The following FAM240C variants were observed in gnomAD, a reference collection of about 807,000 sequenced individuals.
The protein encoded by FAM240C is protein FAM240C.
Under a neutral mutation model 10.0 loss-of-function variants are expected in FAM240C, and 14 were observed. The observed-to-expected ratio is 1.40, with a 90% CI of 0.92 to 2.19. The LOEUF (loss-of-function observed/expected upper bound fraction) is 2.19, where lower values mean the gene tolerates loss of function less well. Ranked by LOEUF, FAM240C falls within the 30% of genes most tolerant of loss-of-function variation. The pLI is 0.00. For synonymous variants in FAM240C, 49 were observed against 44.3 expected (o/e 1.11, Z -0.42); for missense variants, 154 against 122.3 (o/e 1.26, Z -1.22).
At chr2:241,897,091 C>T (rs1575420549) in intron 2 of FAM240C, 95 bp downstream of exon 2, 2 of 1,373,668 alleles carry the variant, frequency 1.5e-6, no homozygotes, top group South Asian at 1.3e-5. Context: ...AGGGCCAGGG[C>T]TGTGTCAGGG....
chr2:241,895,720 C>A (rs1273768121), intron 2 of FAM240C, among the ~76,000 whole-genome samples: 1 of 152,174 alleles, frequency 6.6e-6, no homozygotes, highest in Non-Finnish European at 1.5e-5. Context: ...TGAGAGAACG[C>A]TGGTGCCTGC....
rs1412502306 is a variant in FAM240C, at chr2:241,897,192, A to C, written c.155T>G (p.Leu52Arg). ...NEDIRVRRSA[L>R]NKLRVGWAEQ... is the part of the protein sequence containing the mutation. ...ACTGCACACCCCGACTCACTTGTTCAGAGCGCTTCTGCGAACCCTGATGTC... is the reference window on the plus strand; with the variant it reads ...ACTGCACACCCCGACTCACTTGTTCCGAGCGCTTCTGCGAACCCTGATGTC... The change falls in exon 2 of 3, where the codon CTG becomes CGG. Residue 52 changes from leucine (L) to arginine (R), a missense_variant. Physicochemically the swap from Leu to Arg is moderately radical, Grantham distance 102 (BLOSUM62 -2). Coordinates refer to ENST00000404031, the MANE Select transcript of FAM240C (RefSeq NM_001382368.1). 6.5e-7 allele frequency: 1 copy of C among 1,549,730 alleles called. No individual in the cohort carries two copies. Among genetic ancestry groups the C allele is most frequent in the Non-Finnish European group, 8.7e-7 (1 of 1,146,426 alleles).
intron 2 of FAM240C, among the ~76,000 whole-genome samples, chr2:241,896,573 G>T (rs187339766): frequency 0.083 from 1,544 of 18,554 alleles, 7 homozygotes; most frequent in East Asian, 0.24. Context: ...GTGTGGGTGT[G>T]GGGGTGTGGG....
chr2:241,894,079 G>T lies in FAM240C; in HGVS notation c.*134C>A, dbSNP rs1261849307. The T allele has an allele frequency of 2.0e-6, 2 of 1,023,886 alleles. No homozygotes were observed. Among genetic ancestry groups the T allele is most frequent in the Non-Finnish European group, 2.8e-6 (2 of 723,364 alleles). The allele number at this position is 1,023,886 out of a possible 1,614,324, so 63.4% of individuals were successfully genotyped here. On this transcript the variant is annotated 3_prime_UTR_variant, in exon 3 of 3. Coordinates refer to ENST00000404031, the MANE Select transcript of FAM240C (RefSeq NM_001382368.1). ...GTGGACCCCGAGGTGGGATTATTAC[G>T]GGGTCAGCGAGGTGCGGGCCATTTC...
chr2:241,899,654 C>T (rs1019474546), intron 1 of FAM240C, among the ~76,000 whole-genome samples: 4 of 152,226 alleles, frequency 2.6e-5, no homozygotes, highest in East Asian at 1.9e-4. Context: ...CAGAGAGCAG[C>T]GTGGGCGTTA....
chr2:241,894,062 C>A lies in FAM240C; in HGVS notation c.*151G>T. 1.2e-6 allele frequency: 1 copy of A among 863,174 alleles called. No individual in the cohort carries two copies. Among genetic ancestry groups the A allele is most frequent in the Non-Finnish European group, 1.7e-6 (1 of 582,868 alleles). The allele number at this position is 863,174 out of a possible 1,614,324, so 53.5% of individuals were successfully genotyped here. On this transcript the variant is annotated 3_prime_UTR_variant, in exon 3 of 3. Transcript: ENST00000404031. ...TGGGACTCTGCTGCAGCGTGGACCC[C>A]GAGGTGGGATTATTACGGGGTCAGC...
In FAM240C at chr2:241,894,008, T is replaced by C. The variant is rs73016199; in HGVS notation, c.*205A>G. ...TTCAATCCAATTGACTTAGGTTTTA[T>C]TGGGCACCAGAGATGCGCTAGAGAA... On this transcript the variant is annotated 3_prime_UTR_variant, in exon 3 of 3. Coordinates refer to ENST00000404031, the MANE Select transcript of FAM240C (RefSeq NM_001382368.1). 8.4e-3 allele frequency: 3,977 copies of C among 473,488 alleles called. 28 individuals are homozygous for C. The highest frequency in any genetic ancestry group is 0.01 in the Non-Finnish European group (2,800 of 271,176). The allele number at this position is 473,488 out of a possible 1,614,324, so 29.3% of individuals were successfully genotyped here.
intron 2 of FAM240C, among the ~76,000 whole-genome samples, chr2:241,896,801 G>T (rs1701832668): frequency 1.5e-5 from 1 of 66,218 alleles, no homozygotes; most frequent in Non-Finnish European, 3.1e-5. Flanking sequence ...GTGGGTGTTG[G>T]GGTGTGGGTG....
chr2:241,900,880 G>A (rs373471813), upstream of FAM240C, among the ~76,000 whole-genome samples: 2 of 152,138 alleles, frequency 1.3e-5, no homozygotes, highest in Non-Finnish European at 2.9e-5. This position sits in a 1 kb window ranked among gnomAD's most constrained non-coding sequence, Gnocchi z 4.5. Context: ...ATGGGTTTAC[G>A]TATTTATTGT....
At position 241,894,054 on chromosome 2, in the gene FAM240C, G is replaced by A. The variant is rs139872805; in HGVS notation, c.*159C>T. On this transcript the variant is annotated 3_prime_UTR_variant, in exon 3 of 3. Coordinates refer to ENST00000404031, the MANE Select transcript of FAM240C (RefSeq NM_001382368.1). Reference sequence around the variant, plus strand: ...GAGAACCCTGGGACTCTGCTGCAGCGTGGACCCCGAGGTGGGATTATTACG... The same window carrying A: ...GAGAACCCTGGGACTCTGCTGCAGCATGGACCCCGAGGTGGGATTATTACG... 606 of 758,922 alleles carry A rather than the reference G, an allele frequency of 8.0e-4. 2 individuals carry two copies. In the African/African-American group the frequency reaches 9.2e-3, roughly 11 times the overall value. The allele number at this position is 758,922 out of a possible 1,614,324, so 47.0% of individuals were successfully genotyped here.
upstream of FAM240C, among the ~76,000 whole-genome samples, chr2:241,901,961 G>A (rs112150030): frequency 0.019 from 2,896 of 152,248 alleles, 100 homozygotes; most frequent in African/African-American, 0.067. The surrounding 1 kb of genome is among the most constrained non-coding windows in gnomAD (Gnocchi z 4.9). Flanking sequence ...ACGTGTGTGC[G>A]GAGGGACGGC....
At position 241,897,259 on chromosome 2, in the gene FAM240C, C is replaced by A. The variant is rs1446817724; in HGVS notation, c.88G>T (p.Glu30Ter). The change falls in exon 2 of 3, where the codon GAG (glutamate) becomes TAG (stop). Residue 30 changes from glutamate (E) to a stop codon, truncating the protein, a stop_gained. Coordinates refer to ENST00000404031, the MANE Select transcript of FAM240C (RefSeq NM_001382368.1). LOFTEE classifies it high-confidence loss of function. ...CTTGCGTGATGCTCGATTTTTTTCTCCCAAAACATCTTTATCCCGCCTGAA... is the reference window on the plus strand; with the variant it reads ...CTTGCGTGATGCTCGATTTTTTTCTACCAAAACATCTTTATCCCGCCTGAA... ...YDSGGIKMFW[E>*]KKIEHHARHL... The A allele has an allele frequency of 2.6e-6, 4 of 1,549,932 alleles. No individual in the cohort carries two copies. The highest frequency in any genetic ancestry group is 2.4e-5 in the South Asian group (2 of 84,068).
chr2:241,900,429 G>C lies in FAM240C; in HGVS notation c.-60C>G. The C allele has an allele frequency of 1.4e-6, 1 of 716,276 alleles. No individual in the cohort carries two copies. The highest frequency in any genetic ancestry group is 2.7e-5 in the East Asian group (1 of 37,260). The allele number at this position is 716,276 out of a possible 1,614,324, so 44.4% of individuals were successfully genotyped here. On this transcript the variant is annotated 5_prime_UTR_variant, in exon 1 of 3. Transcript: ENST00000404031. This position sits in a 1 kb window ranked among gnomAD's most constrained non-coding sequence, Gnocchi z 4.5. ...GAGGGTCCTCAGCCTGTCCTCTCCG[G>C]GGTGCACGCCTGTATCTCGCCTGCC...
upstream of FAM240C, among the ~76,000 whole-genome samples, chr2:241,902,186 A>C (rs1701997886): frequency 6.6e-6 from 1 of 151,850 alleles, no homozygotes; most frequent in Non-Finnish European, 1.5e-5. This position sits in a 1 kb window ranked among gnomAD's most constrained non-coding sequence, Gnocchi z 7.1. Context: ...GCTCCAGACA[A>C]CCCTGTAGCA....
intron 2 of FAM240C, 104 bp downstream of exon 2, chr2:241,897,082 G>C: frequency 2.3e-6 from 3 of 1,293,042 alleles, no homozygotes; most frequent in Non-Finnish European, 3.2e-6. Flanking sequence ...GGTGGGCTGA[G>C]GGCCAGGGCT....
intron 2 of FAM240C, among the ~76,000 whole-genome samples, chr2:241,894,585 G>T (rs889010788): frequency 1.4e-5 from 2 of 141,472 alleles, no homozygotes; most frequent in East Asian, 2.1e-4. Context: ...GGGGGGGGGG[G>T]GGGCGTCTCA....
chr2:241,897,207 A>T lies in FAM240C; in HGVS notation c.140T>A (p.Val47Asp), dbSNP rs1483936095. 6.5e-7 allele frequency: 1 copy of T among 1,549,648 alleles called. No homozygotes were observed. Among genetic ancestry groups the T allele is most frequent in the Non-Finnish European group, 8.7e-7 (1 of 1,146,448 alleles). The change falls in exon 2 of 3, where the codon GTT becomes GAT. Residue 47 changes from valine (V) to aspartate (D), a missense_variant. Val to Asp is a radical substitution (Grantham distance 152). Transcript: ENST00000404031. ...ARHLQNEDIR[V>D]RRSALNKLRV... ...TCACTTGTTCAGAGCGCTTCTGCGA[A>T]CCCTGATGTCCTCGTTCTGCAGGTG...
At chr2:241,900,494 G>T (rs978705328), upstream of FAM240C, 20 of 673,898 alleles carry the variant, frequency 3.0e-5, no homozygotes, top group Non-Finnish European at 3.3e-5. The surrounding 1 kb of genome is among the most constrained non-coding windows in gnomAD (Gnocchi z 4.5). Context: ...CATGCTTGGC[G>T]TCGGTTCAGT....
upstream of FAM240C, among the ~76,000 whole-genome samples, chr2:241,901,286 C>T (rs1210257986): frequency 6.6e-6 from 1 of 152,316 alleles, no homozygotes; most frequent in East Asian, 1.9e-4. The surrounding 1 kb of genome is among the most constrained non-coding windows in gnomAD (Gnocchi z 4.9). Flanking sequence ...ATCCATCCCT[C>T]CAGGCCTCAG....
Sources: allele counts gnomAD v4.1 joint callset (sites outside exome capture counted in the v4.1 genomes callset), GRCh38; gene constraint gnomAD v4.1.1; non-coding constraint Gnocchi (gnomAD v3.1); transcripts MANE v1.5; gene names NCBI Gene and HGNC (gene_info 2026-07-23, HGNC 2026-07-21).